The following SEMA5A variants were observed in gnomAD, a reference collection of about 807,000 sequenced individuals.
The protein encoded by SEMA5A is semaphorin 5A.
Under a neutral mutation model 135.5 loss-of-function variants are expected in SEMA5A, and 55 were observed. The observed-to-expected ratio is 0.41, with a 90% CI of 0.33 to 0.51. The LOEUF is 0.51. Among genes scored for constraint, SEMA5A ranks in the 20% least tolerant of loss-of-function variants. The probability of loss-of-function intolerance (pLI) is 0.37; values close to 1 mark genes in which losing one functional copy is unlikely to be tolerated. For synonymous variants in SEMA5A, 580 were observed against 546.5 expected (o/e 1.06, Z -0.85); for missense variants, 1,290 against 1,419.9 (o/e 0.91, Z 1.47).
chr5:9,117,914 A>G (rs1470965758), intron 15 of SEMA5A, among the ~76,000 whole-genome samples: 1 of 152,228 alleles, frequency 6.6e-6, no homozygotes, highest in Non-Finnish European at 1.5e-5. Context: ...CCTGCTTGGT[A>G]AAAATCATCT....
At chr5:9,133,969 G>A (rs1290104147) in intron 13 of SEMA5A, among the ~76,000 whole-genome samples, 1 of 151,984 alleles carries the variant, frequency 6.6e-6, no homozygotes, top group Non-Finnish European at 1.5e-5. Context: ...TTTCCTGATA[G>A]TGAGGGAGTT....
chr5:9,408,262 AC>A (rs1756975734), intron 2 of SEMA5A, among the ~76,000 whole-genome samples: 2 of 152,066 alleles, frequency 1.3e-5, no homozygotes, highest in South Asian at 4.1e-4. Context: ...GAATACTATA[AC>A]CCTGCATTGG....
At chr5:9,190,510 C>G in intron 10 of SEMA5A, 39 bp from the exon 11 acceptor site, 1 of 1,599,192 alleles carries the variant, frequency 6.3e-7, no homozygotes, top group Non-Finnish European at 8.5e-7. Flanking sequence ...GAGCCGGCAG[C>G]CTGGACACCC....
intron 2 of SEMA5A, among the ~76,000 whole-genome samples, chr5:9,396,396 G>A (rs915514861): frequency 6.6e-6 from 1 of 152,050 alleles, no homozygotes; most frequent in Non-Finnish European, 1.5e-5. Context: ...CTTGATTTCT[G>A]TATTCTTGAT....
chr5:9,426,287 C>T (rs1171531720), intron 2 of SEMA5A, among the ~76,000 whole-genome samples: 1 of 151,500 alleles, frequency 6.6e-6, no homozygotes, highest in Non-Finnish European at 1.5e-5. Flanking sequence ...TAGCCTGGCG[C>T]GGTGGCAGGC....
Position 9,207,479 on chromosome 5 carries a change from CT to C in SEMA5A, c.647-5240del, listed in dbSNP as rs1280735992. The stretch of plus-strand genomic sequence containing the variant: ...GGATTATAGGCATGAGCCACTGCCC[CT>C]GGTCTACCATGCTGAGTTTTTAAAT... On this transcript the variant is annotated intron_variant, in intron 8 of 22. Transcript: ENST00000382496. Among the ~76,000 whole-genome samples, 15 of 152,250 alleles carry C rather than the reference CT, an allele frequency of 9.9e-5. No individual in the cohort carries two copies. The East Asian group carries it at 2.1e-3, about 22-fold the overall frequency.
intron 16 of SEMA5A, among the ~76,000 whole-genome samples, chr5:9,105,286 A>G (rs1739852338): frequency 6.6e-6 from 1 of 152,238 alleles, no homozygotes; most frequent in South Asian, 2.1e-4. Context: ...TTAGTCTAAG[A>G]CAAGGATGTA....
At chr5:9,306,012 T>C (rs1751851804) in intron 5 of SEMA5A, among the ~76,000 whole-genome samples, 2 of 152,170 alleles carry the variant, frequency 1.3e-5, no homozygotes, top group Admixed American at 1.3e-4. Context: ...AAAAACTGGC[T>C]ATGGATCTTA....
chr5:9,139,111 C>A (rs752824200), intron 12 of SEMA5A, among the ~76,000 whole-genome samples: 2 of 152,094 alleles, frequency 1.3e-5, no homozygotes, highest in East Asian at 3.9e-4. Context: ...CAGATAGATA[C>A]CCAGTAGTGG....
intron 8 of SEMA5A, among the ~76,000 whole-genome samples, chr5:9,207,875 A>G (rs6886326): frequency 9.5e-5 from 4 of 42,000 alleles, no homozygotes; most frequent in African/African-American, 2.6e-4. Context: ...ATAGATAGAT[A>G]GATAGATAGA....
At chr5:9,271,099 G>C (rs763787794) in intron 5 of SEMA5A, among the ~76,000 whole-genome samples, 8 of 152,086 alleles carry the variant, frequency 5.3e-5, no homozygotes, top group Non-Finnish European at 1.2e-4. Context: ...CATAGTGACA[G>C]ATTTCCCCCA....
At chr5:9,274,571 G>A (rs562496354) in intron 5 of SEMA5A, among the ~76,000 whole-genome samples, 14 of 152,180 alleles carry the variant, frequency 9.2e-5, no homozygotes, top group African/African-American at 2.4e-4. Flanking sequence ...AATTGACCAC[G>A]TAAGTGGATG....
At chr5:9,513,255 C>G (rs374917256) in intron 1 of SEMA5A, among the ~76,000 whole-genome samples, 1 of 151,054 alleles carries the variant, frequency 6.6e-6, no homozygotes, top group Non-Finnish European at 1.5e-5. Flanking sequence ...TAATTCATTC[C>G]GATAATAGTA....
At position 9,258,803 on chromosome 5, in the gene SEMA5A, C is replaced by CTTTTTTTTTTTTTT. The variant is rs748703578; in HGVS notation, c.271-20927_271-20914dup. On this transcript the variant is annotated intron_variant, in intron 5 of 22. Transcript: ENST00000382496. ...ATTATTTGTCTTTTCTTCTTTCTTT[C>CTTTTTTTTTTTTTT]TTTTTTTTTTTTTTTTTTTTTTTTT... Among the ~76,000 whole-genome samples the CTTTTTTTTTTTTTT allele has an allele frequency of 9.8e-4, 48 of 48,982 alleles. 4 individuals are homozygous for CTTTTTTTTTTTTTT. The highest frequency in any genetic ancestry group is 1.2e-3 in the Non-Finnish European group (34 of 28,902). The allele number at this position is 48,982 out of a possible 152,430, so 32.1% of individuals were successfully genotyped here.
chr5:9,119,596 G>A (rs1367873700), intron 14 of SEMA5A, among the ~76,000 whole-genome samples: 2 of 152,086 alleles, frequency 1.3e-5, no homozygotes. Context: ...TGCCGAAAAT[G>A]CTATCTTTTA....
At chr5:9,340,302 G>A (rs925319132) in intron 3 of SEMA5A, among the ~76,000 whole-genome samples, 1 of 152,144 alleles carries the variant, frequency 6.6e-6, no homozygotes, top group African/African-American at 2.4e-5. Flanking sequence ...CCCCAGAGCT[G>A]GGCTCACATC....
At chr5:9,252,147 CA>C (rs1357396626) in intron 5 of SEMA5A, among the ~76,000 whole-genome samples, 2 of 152,070 alleles carry the variant, frequency 1.3e-5, no homozygotes, top group African/African-American at 4.8e-5. Flanking sequence ...ACTTGTCAGA[CA>C]AAATAAAATG....
At chr5:9,247,782 G>T (rs544224458) in intron 5 of SEMA5A, among the ~76,000 whole-genome samples, 1 of 151,968 alleles carries the variant, frequency 6.6e-6, no homozygotes, top group South Asian at 2.1e-4. Context: ...AAATGAACAC[G>T]AAAATTTGTT....
intron 1 of SEMA5A, chr5:9,511,944 C>A (rs549448941): frequency 6.6e-6 from 1 of 152,294 alleles, no homozygotes; most frequent in South Asian, 2.1e-4. Flanking sequence ...ACAACATTAT[C>A]CTGACAAAAT....
Sources: allele counts gnomAD v4.1 joint callset (sites outside exome capture counted in the v4.1 genomes callset), GRCh38; gene constraint gnomAD v4.1.1; transcripts MANE v1.5; gene names NCBI Gene and HGNC (gene_info 2026-07-23, HGNC 2026-07-21).